HYCC2: variants seen among roughly 807,000 people sequenced by gnomAD.
The protein encoded by HYCC2 is hyccin PI4KA lipid kinase complex subunit 2, also known as hyccin 2.
At chr2:201,053,746 C>T in the HYCC2 span, among the ~76,000 whole-genome samples, 7 of 151,610 alleles carry the variant, frequency 4.6e-5, no homozygotes, top group African/African-American at 9.7e-5. Context: ...GGGTGGATCA[C>T]GAGGTCAGGA....
chr2:200,981,675 A>G, the HYCC2 span: 5 of 1,614,040 alleles, frequency 3.1e-6, no homozygotes, highest in Non-Finnish European at 4.2e-6. The surrounding 1 kb of genome is among the most constrained non-coding windows in gnomAD (Gnocchi z 4.5). Context: ...GAGGGCTCTC[A>G]CTGGATTTGA....
the HYCC2 span, among the ~76,000 whole-genome samples, chr2:201,013,597 A>G: frequency 6.6e-6 from 1 of 152,168 alleles, no homozygotes; most frequent in African/African-American, 2.4e-5. Flanking sequence ...AAGAATACCA[A>G]TTACATGTGA....
the HYCC2 span, chr2:201,017,314 T>G: frequency 5.2e-3 from 3,396 of 650,210 alleles, 17 homozygotes; most frequent in Admixed American, 7.9e-3. Context: ...ACCAAAACCT[T>G]TGTGTAAAGA....
At chr2:201,066,241 C>T in the HYCC2 span, among the ~76,000 whole-genome samples, 2 of 152,106 alleles carry the variant, frequency 1.3e-5, no homozygotes, top group East Asian at 3.9e-4. Flanking sequence ...GCCCAGCTAA[C>T]TTTTGTATTT....
chr2:201,030,219 G>T, the HYCC2 span, among the ~76,000 whole-genome samples: 5 of 152,172 alleles, frequency 3.3e-5, no homozygotes, highest in African/African-American at 1.2e-4. Context: ...ACTGACCTTT[G>T]ATTTTTATTT....
the HYCC2 span, among the ~76,000 whole-genome samples, chr2:201,058,101 C>T: frequency 2.6e-5 from 4 of 152,148 alleles, no homozygotes; most frequent in African/African-American, 9.7e-5. Flanking sequence ...TGCCTTTCAA[C>T]TACCCTCTAT....
the HYCC2 span, among the ~76,000 whole-genome samples, chr2:201,058,288 A>C: frequency 6.6e-6 from 1 of 152,358 alleles, no homozygotes; most frequent in Non-Finnish European, 1.5e-5. Context: ...ATAAACTTTG[A>C]TAAGAAGAAA....
the HYCC2 span, among the ~76,000 whole-genome samples, chr2:200,984,025 A>T: frequency 6.6e-6 from 1 of 152,150 alleles, no homozygotes; most frequent in Non-Finnish European, 1.5e-5. Context: ...AATAATTTTT[A>T]AAAACATTTA....
At chr2:200,984,798 C>A in the HYCC2 span, among the ~76,000 whole-genome samples, 2 of 152,184 alleles carry the variant, frequency 1.3e-5, no homozygotes, top group African/African-American at 4.8e-5. Flanking sequence ...GTAGAAGGAT[C>A]ACTAAGTCCA....
At chr2:201,035,911 A>T in the HYCC2 span, among the ~76,000 whole-genome samples, 1 of 152,142 alleles carries the variant, frequency 6.6e-6, no homozygotes, top group Non-Finnish European at 1.5e-5. Context: ...AGGCTGCAGA[A>T]CAGCGGATAT....
At chr2:201,021,980 G>A in the HYCC2 span, 2 of 766,676 alleles carry the variant, frequency 2.6e-6, no homozygotes, top group Middle Eastern at 2.7e-4. Flanking sequence ...GAAAGAAGGA[G>A]GTCAATAAGC....
the HYCC2 span, among the ~76,000 whole-genome samples, chr2:201,002,595 G>A: frequency 6.6e-6 from 1 of 150,598 alleles, no homozygotes; most frequent in Non-Finnish European, 1.5e-5. Context: ...GCGCGATCTT[G>A]GCTCACTGCA....
chr2:200,987,560 G>A, the HYCC2 span: 1 of 1,284,878 alleles, frequency 7.8e-7, no homozygotes, highest in Non-Finnish European at 1.0e-6. Context: ...ACATTTTAGT[G>A]CTTTTATGCT....
chr2:201,059,694 A>AC, the HYCC2 span, among the ~76,000 whole-genome samples: 2 of 151,982 alleles, frequency 1.3e-5, no homozygotes, highest in African/African-American at 2.4e-5. Context: ...AATCATAGTC[A>AC]CAACAGCCCA....
the HYCC2 span, among the ~76,000 whole-genome samples, chr2:200,994,622 G>GT: frequency 3.9e-5 from 6 of 152,164 alleles, no homozygotes; most frequent in African/African-American, 1.4e-4. Flanking sequence ...TACATACATA[G>GT]TTTTTCAAAA....
chr2:201,047,445 C>CATATATATATATATATATATAT, the HYCC2 span, among the ~76,000 whole-genome samples: 565 of 139,472 alleles, frequency 4.1e-3, 6 homozygotes, highest in African/African-American at 0.014. Flanking sequence ...TCACAGTTCT[C>CATATATATATATATATATATAT]ATATATATAT....
chr2:201,043,278 G>A, the HYCC2 span, among the ~76,000 whole-genome samples: 2 of 151,740 alleles, frequency 1.3e-5, no homozygotes, highest in African/African-American at 2.4e-5. Context: ...ACTACCCAGG[G>A]ACACAAACAC....
chr2:201,050,552 A>G, the HYCC2 span, among the ~76,000 whole-genome samples: 1 of 151,238 alleles, frequency 6.6e-6, no homozygotes, highest in African/African-American at 2.4e-5. Flanking sequence ...AGATCACGCC[A>G]CTGCACTCCA....
chr2:201,055,853 T>C, the HYCC2 span, among the ~76,000 whole-genome samples: 1 of 151,862 alleles, frequency 6.6e-6, no homozygotes, highest in African/African-American at 2.4e-5. Flanking sequence ...TTGAGGCCAG[T>C]AGTTCAAGAC....
Sources: gnomAD v4.1 joint callset for allele counts (sites outside exome capture counted in the v4.1 genomes callset) on GRCh38, gnomAD v4.1.1 for gene constraint, Gnocchi (gnomAD v3.1) non-coding constraint, MANE v1.5 for transcripts, NCBI Gene and HGNC (gene_info 2026-07-23, HGNC 2026-07-21) for gene names.